NRG2: variants seen among roughly 807,000 people sequenced by gnomAD.
The protein encoded by NRG2 is pro-neuregulin-2, membrane-bound isoform.
In NRG2, 27 loss-of-function variants were observed where a neutral mutation model predicts 73.9. The ratio of observed to expected loss-of-function variants is 0.37; its 90% CI spans 0.27 to 0.50. The LOEUF (loss-of-function observed/expected upper bound fraction) is 0.50, where lower values mean the gene tolerates loss of function less well. Among genes scored for constraint, NRG2 ranks in the 20% least tolerant of loss-of-function variants. The pLI is 0.96. For missense variants in NRG2, 1,126 were observed against 1,210.1 expected (o/e 0.93, Z 1.03); for synonymous variants, 532 against 541.0 (o/e 0.98, Z 0.23).
chr5:140,006,284 C>G (rs1385531670), intron 1 of NRG2, among the ~76,000 whole-genome samples: 1 of 152,170 alleles, frequency 6.6e-6, no homozygotes, highest in Non-Finnish European at 1.5e-5. Flanking sequence ...TCGGTAGAAG[C>G]CTGAGCTATC....
chr5:139,878,429 C>T (rs1237710109), intron 3 of NRG2, among the ~76,000 whole-genome samples: 3 of 151,854 alleles, frequency 2.0e-5, no homozygotes, highest in African/African-American at 7.3e-5. Flanking sequence ...TAGATCTGGA[C>T]CTGTCTGAGA....
intron 1 of NRG2, among the ~76,000 whole-genome samples, chr5:139,980,954 G>A (rs1756754037): frequency 6.6e-6 from 1 of 152,208 alleles, no homozygotes; most frequent in Admixed American, 6.5e-5. Context: ...CTGTAAATGT[G>A]TCTCAGGGGG....
intron 1 of NRG2, among the ~76,000 whole-genome samples, chr5:139,888,214 C>T (rs1359141456): frequency 6.6e-6 from 1 of 152,090 alleles, no homozygotes; most frequent in Non-Finnish European, 1.5e-5. Flanking sequence ...ATAACAATTT[C>T]CAGTGGGATA....
rs536297689 is a variant in NRG2 at position 139,856,540 on chromosome 5, T to C, written c.1190-762A>G. ...TGACAGCGCTAGCTGTAGTCAAGGC[T>C]ACAGCCCGGAGACCCCACCCGTGCC... On this transcript the variant is annotated intron_variant, in intron 5 of 9. Transcript: ENST00000361474. This position sits in a 1 kb window ranked among gnomAD's most constrained non-coding sequence, Gnocchi z 4.2. Among the ~76,000 whole-genome samples, 5 of 152,282 alleles carry C rather than the reference T, an allele frequency of 3.3e-5. No individual in the cohort carries two copies. The highest frequency in any genetic ancestry group is 4.1e-4 in the South Asian group (2 of 4,828).
chr5:139,902,552 A>T (rs886083893), intron 1 of NRG2, among the ~76,000 whole-genome samples: 2 of 152,080 alleles, frequency 1.3e-5, no homozygotes, highest in Non-Finnish European at 2.9e-5. Flanking sequence ...TTACTTGCTC[A>T]TGCTTTCCAT....
intron 1 of NRG2, among the ~76,000 whole-genome samples, chr5:139,903,535 C>T (rs954501274): frequency 2.6e-5 from 4 of 152,180 alleles, no homozygotes; most frequent in African/African-American, 4.8e-5. Flanking sequence ...GTGCATGCCC[C>T]GGGCCGCCTC....
intron 1 of NRG2, among the ~76,000 whole-genome samples, chr5:139,957,315 G>C (rs1319473664): frequency 0.01 from 1,112 of 106,146 alleles, 11 homozygotes; most frequent in African/African-American, 0.037. Flanking sequence ...CTCTGTGTGT[G>C]TGTGTGTGTG....
At chr5:139,932,263 T>TATAC (rs146416446) in intron 1 of NRG2, among the ~76,000 whole-genome samples, 19 of 149,694 alleles carry the variant, frequency 1.3e-4, no homozygotes, top group Admixed American at 1.2e-3. Context: ...TGTGTGTGTA[T>TATAC]ACACAGTGAA....
intron 5 of NRG2, 100 bp from the exon 6 acceptor site, chr5:139,855,878 C>T: frequency 1.2e-6 from 1 of 845,080 alleles, no homozygotes; most frequent in Non-Finnish European, 2.0e-6. Context: ...AGGCTCTCCC[C>T]AGCTCAGGTC....
chr5:139,935,037 C>A (rs769149083), intron 1 of NRG2, among the ~76,000 whole-genome samples: 1 of 151,920 alleles, frequency 6.6e-6, no homozygotes. Context: ...AGTGGTGGTG[C>A]GTGCCTGTAG....
chr5:139,883,166 T>C (rs1407016397), intron 2 of NRG2, among the ~76,000 whole-genome samples: 1 of 152,128 alleles, frequency 6.6e-6, no homozygotes, highest in East Asian at 1.9e-4. Flanking sequence ...CCGCGTGCTG[T>C]GCTCTGCTCC....
chr5:140,022,943 C>T (rs886838524), intron 1 of NRG2, among the ~76,000 whole-genome samples: 4 of 152,140 alleles, frequency 2.6e-5, no homozygotes, highest in African/African-American at 9.7e-5. Context: ...CTCCTTCATG[C>T]CTGCTACTCA....
intron 1 of NRG2, among the ~76,000 whole-genome samples, chr5:139,923,411 A>G (rs1362649333): frequency 6.6e-6 from 1 of 152,198 alleles, no homozygotes; most frequent in East Asian, 1.9e-4. Flanking sequence ...GTGCAGGGAT[A>G]GAGCATGAGG....
chr5:140,006,825 A>C (rs929433865), intron 1 of NRG2, among the ~76,000 whole-genome samples: 1 of 152,222 alleles, frequency 6.6e-6, no homozygotes, highest in African/African-American at 2.4e-5. Flanking sequence ...TTTCTCCAAC[A>C]AACATGTTAC....
At chr5:139,914,208 C>CT (rs1751065751) in intron 1 of NRG2, among the ~76,000 whole-genome samples, 1 of 152,062 alleles carries the variant, frequency 6.6e-6, no homozygotes, top group Non-Finnish European at 1.5e-5. Flanking sequence ...GGTGGATTTC[C>CT]TGTAAAAGGA....
Position 139,916,621 on chromosome 5 carries a change from A to T in NRG2, c.701-29110T>A, listed in dbSNP as rs138741536. 4.2e-3 allele frequency among the ~76,000 whole-genome samples: 634 copies of T among 152,284 alleles called. 3 individuals carry two copies. Among genetic ancestry groups the T allele is most frequent in the African/African-American group, 0.015 (622 of 41,540 alleles). ...TCACCACAGATTTGCCTGTTCTGGA[A>T]ACTTCATATAAATGGAATCATACAA... On this transcript the variant is annotated intron_variant, in intron 1 of 9. Transcript: ENST00000361474.
At chr5:140,017,159 T>G (rs1231539953) in intron 1 of NRG2, among the ~76,000 whole-genome samples, 1 of 152,014 alleles carries the variant, frequency 6.6e-6, no homozygotes, top group Non-Finnish European at 1.5e-5. Context: ...GCAGATAGAC[T>G]CCAGAAAGAT....
intron 1 of NRG2, among the ~76,000 whole-genome samples, chr5:139,998,857 G>GA (rs1758227790): frequency 6.6e-6 from 1 of 152,118 alleles, no homozygotes; most frequent in Non-Finnish European, 1.5e-5. Context: ...TAAGACAAGA[G>GA]AAAAAACTTG....
chr5:139,943,702 C>G (rs34849406), intron 1 of NRG2, among the ~76,000 whole-genome samples: 21,354 of 152,152 alleles, frequency 0.14, 1,617 homozygotes, highest in South Asian at 0.25. Context: ...TCAAAGTCCA[C>G]TTTTCTTTTC....
Sources: gnomAD v4.1 joint callset for allele counts (sites outside exome capture counted in the v4.1 genomes callset) on GRCh38, gnomAD v4.1.1 for gene constraint, Gnocchi (gnomAD v3.1) non-coding constraint, MANE v1.5 for transcripts, NCBI Gene and HGNC (gene_info 2026-07-23, HGNC 2026-07-21) for gene names.